Variants in CACNB4 observed in about 807,000 individuals in gnomAD.
CACNB4 encodes voltage-dependent L-type calcium channel subunit beta-4.
A neutral mutation model predicts 71.2 loss-of-function variants in CACNB4; 32 were observed. That is an observed-to-expected ratio of 0.45 (90% CI 0.34 to 0.60). CACNB4 has a LOEUF of 0.60. CACNB4 is among the 20% of genes least tolerant of loss of function. The pLI, the probability that CACNB4 is intolerant of heterozygous loss-of-function variation, is 0.01. For missense variants in CACNB4, 464 were observed against 647.9 expected (o/e 0.72, Z 3.08); for synonymous variants, 231 against 236.9 (o/e 0.97, Z 0.23).
chr2:151,874,833 A>AG (rs1258759476), intron 5 of CACNB4: 1 of 396,342 alleles, frequency 2.5e-6, no homozygotes, highest in Non-Finnish European at 4.4e-6. Flanking sequence ...TCTTCTGTCA[A>AG]GCTGTGCTTG....
At chr2:152,054,557 T>C (rs193278776) in intron 2 of CACNB4, among the ~76,000 whole-genome samples, 27 of 152,314 alleles carry the variant, frequency 1.8e-4, no homozygotes, top group Admixed American at 3.3e-4. Context: ...GGCTTTTGTG[T>C]GGACACATGC....
intron 2 of CACNB4, among the ~76,000 whole-genome samples, chr2:151,905,603 G>A (rs965370356): frequency 4.6e-5 from 7 of 152,156 alleles, no homozygotes; most frequent in Non-Finnish European, 7.4e-5. Flanking sequence ...ATCAGGTTCC[G>A]TTTATTTACT....
chr2:151,978,303 G>A (rs1006639881), intron 2 of CACNB4, among the ~76,000 whole-genome samples: 2 of 152,192 alleles, frequency 1.3e-5, no homozygotes, highest in African/African-American at 2.4e-5. Context: ...ATAGGAGGCA[G>A]TGTGGAAGAA....
intron 8 of CACNB4, chr2:151,869,519 T>C (rs2099844063): frequency 1.4e-5 from 4 of 293,198 alleles, no homozygotes; most frequent in Non-Finnish European, 1.9e-5. Context: ...GGGATAGAAC[T>C]GCTGCCAGGA....
intron 2 of CACNB4, among the ~76,000 whole-genome samples, chr2:151,893,626 T>C (rs1297236361): frequency 6.6e-6 from 1 of 152,092 alleles, no homozygotes; most frequent in African/African-American, 2.4e-5. Context: ...TTAAAAGATA[T>C]ATATGTATAT....
chr2:152,049,494 T>C (rs553648330), intron 2 of CACNB4, among the ~76,000 whole-genome samples: 1 of 152,306 alleles, frequency 6.6e-6, no homozygotes, highest in South Asian at 2.1e-4. Context: ...TTTCTCCTTC[T>C]CATTCTTTTT....
At chr2:151,916,602 T>TATATTG (rs1401972194) in intron 2 of CACNB4, among the ~76,000 whole-genome samples, 1 of 152,236 alleles carries the variant, frequency 6.6e-6, no homozygotes, top group African/African-American at 2.4e-5. Flanking sequence ...TATGCATATT[T>TATATTG]ATATTGATAT....
intron 2 of CACNB4, among the ~76,000 whole-genome samples, chr2:151,938,532 T>C (rs564509987): frequency 2.0e-3 from 300 of 152,310 alleles, no homozygotes; most frequent in Middle Eastern, 3.4e-3. Flanking sequence ...CAGGGTATCA[T>C]TGGTGCTTGG....
chr2:152,043,504 GTAGAGAT>G (rs1684981346), intron 2 of CACNB4, among the ~76,000 whole-genome samples: 6 of 152,090 alleles, frequency 3.9e-5, no homozygotes, highest in African/African-American at 1.2e-4. Context: ...AAAATTTTTT[GTAGAGAT>G]GAGGTCTTGC....
intron 5 of CACNB4, among the ~76,000 whole-genome samples, chr2:151,874,705 A>T (rs2099845510): frequency 6.6e-6 from 1 of 152,218 alleles, no homozygotes; most frequent in Non-Finnish European, 1.5e-5. Context: ...ACAGAGGTTG[A>T]GGGTCAAGAG....
At chr2:151,972,486 G>A (rs1338607130) in intron 2 of CACNB4, 1 of 152,206 alleles carries the variant, frequency 6.6e-6, no homozygotes, top group Non-Finnish European at 1.5e-5. Context: ...TCAGACTACA[G>A]TCCCTTACAA....
In CACNB4 at chr2:152,098,920, AG is replaced by A. The variant is rs1688440505; in HGVS notation, c.63+28del. 1 of 1,053,212 alleles carries A rather than the reference AG, an allele frequency of 9.5e-7. No individual in the cohort carries two copies. The highest frequency in any genetic ancestry group is 3.9e-5 in the Admixed American group (1 of 25,868). The allele number at this position is 1,053,212 out of a possible 1,614,324, so 65.2% of individuals were successfully genotyped here. A position where few individuals can be genotyped will look rare whatever the true frequency, so the allele number is the denominator to read the frequency against. ...GAGGTGTGAGGAAGGAAGAGGAGGA[AG>A]AGGAGAAGGGGGAGGAGGGGGCGGT... is the stretch of plus-strand genomic sequence containing the variant. On this transcript the variant is annotated intron_variant, in intron 1 of 13. Transcript: ENST00000539935. The surrounding 1 kb of genome is among the most constrained non-coding windows in gnomAD (Gnocchi z 5.3).
intron 2 of CACNB4, among the ~76,000 whole-genome samples, chr2:151,929,367 A>G (rs1427355129): frequency 1.3e-5 from 2 of 152,210 alleles, no homozygotes; most frequent in Non-Finnish European, 2.9e-5. Context: ...CATAACCCTT[A>G]CTATATGTAA....
At chr2:152,072,023 T>C (rs1371743449) in intron 2 of CACNB4, among the ~76,000 whole-genome samples, 2 of 152,266 alleles carry the variant, frequency 1.3e-5, no homozygotes, top group Non-Finnish European at 2.9e-5. Context: ...GTTCTAGGCA[T>C]TGGGAATTGC....
Position 151,942,315 on chromosome 2 carries a change from C to A in CACNB4, c.148-58945G>T, listed in dbSNP as rs2151635002. Reference sequence around the variant, plus strand: ...ATTTCATTTTAATATGGACATTTATCCGTTCCCAAATAATACTTTTATAAT... The same window carrying A: ...ATTTCATTTTAATATGGACATTTATACGTTCCCAAATAATACTTTTATAAT... On this transcript the variant is annotated intron_variant, in intron 2 of 13. Coordinates refer to ENST00000539935, the MANE Select transcript of CACNB4 (RefSeq NM_000726.5). Among the ~76,000 whole-genome samples the A allele has an allele frequency of 1.3e-5, 2 of 149,290 alleles. 1 individual carries two copies. Among genetic ancestry groups the A allele is most frequent in the African/African-American group, 5.2e-5 (2 of 38,636 alleles).
At chr2:152,027,163 A>G (rs1333254022) in intron 2 of CACNB4, among the ~76,000 whole-genome samples, 3 of 152,110 alleles carry the variant, frequency 2.0e-5, no homozygotes, top group African/African-American at 7.2e-5. Flanking sequence ...TCAGCCTCCC[A>G]AAGTGTTGAG....
At chr2:151,938,495 C>A (rs1367380783) in intron 2 of CACNB4, among the ~76,000 whole-genome samples, 1 of 152,016 alleles carries the variant, frequency 6.6e-6, no homozygotes, top group Non-Finnish European at 1.5e-5. Context: ...AGGAATGGAC[C>A]CTGCTCCACT....
intron 2 of CACNB4, among the ~76,000 whole-genome samples, chr2:152,028,680 C>A (rs775437466): frequency 1.3e-5 from 2 of 152,164 alleles, no homozygotes; most frequent in Non-Finnish European, 2.9e-5. Flanking sequence ...AAAAACATTT[C>A]ATTTATAACC....
chr2:151,919,447 T>C (rs2099858365), intron 2 of CACNB4, among the ~76,000 whole-genome samples: 1 of 152,144 alleles, frequency 6.6e-6, no homozygotes, highest in Admixed American at 6.5e-5. Flanking sequence ...CAGGCAGGCT[T>C]ATATCCCTCA....
Sources: allele counts gnomAD v4.1 joint callset (sites outside exome capture counted in the v4.1 genomes callset), GRCh38; gene constraint gnomAD v4.1.1; non-coding constraint Gnocchi (gnomAD v3.1); transcripts MANE v1.5; gene names NCBI Gene and HGNC (gene_info 2026-07-23, HGNC 2026-07-21).